The following PM20D2 variants were observed in gnomAD, a reference collection of about 807,000 sequenced individuals.
PM20D2 encodes xaa-Arg dipeptidase.
PM20D2 carries 33 observed loss-of-function variants against 42.9 expected under a neutral mutation model. That is an observed-to-expected ratio of 0.77 (90% CI 0.58 to 1.03). The LOEUF (loss-of-function observed/expected upper bound fraction) is 1.03, where lower values mean the gene tolerates loss of function less well. PM20D2 is among the 50% of genes least tolerant of loss of function. The pLI is 0.00. For missense variants in PM20D2, 548 were observed against 557.0 expected (o/e 0.98, Z 0.16); for synonymous variants, 250 against 228.2 (o/e 1.10, Z -0.86).
chr6:89,119,752 A>G, the PM20D2 span, among the ~76,000 whole-genome samples: 1 of 152,326 alleles, frequency 6.6e-6, no homozygotes, highest in South Asian at 2.1e-4. Flanking sequence ...GGCTGTGGAT[A>G]CATAGATCCA....
At chr6:89,128,268 T>C in the PM20D2 span, among the ~76,000 whole-genome samples, 1 of 152,170 alleles carries the variant, frequency 6.6e-6, no homozygotes, top group Non-Finnish European at 1.5e-5. Flanking sequence ...GGGAGGTCTA[T>C]AAACGGCTGC....
At chr6:89,109,784 G>C in the PM20D2 span, among the ~76,000 whole-genome samples, 58 of 152,166 alleles carry the variant, frequency 3.8e-4, no homozygotes, top group Admixed American at 3.8e-3. Flanking sequence ...AAACACCCAT[G>C]TATCTACCAA....
At chr6:89,120,388 T>C in the PM20D2 span, among the ~76,000 whole-genome samples, 1 of 152,092 alleles carries the variant, frequency 6.6e-6, no homozygotes, top group Non-Finnish European at 1.5e-5. Context: ...TACCTGGAGA[T>C]AGGACTTGGA....
At chr6:89,136,233 T>C in the PM20D2 span, among the ~76,000 whole-genome samples, 1 of 151,220 alleles carries the variant, frequency 6.6e-6, no homozygotes, top group Non-Finnish European at 1.5e-5. Context: ...TGTTCCCAAG[T>C]ATCTTACTGA....
chr6:89,105,305 A>C, the PM20D2 span: 13 of 1,581,666 alleles, frequency 8.2e-6, no homozygotes, highest in African/African-American at 9.5e-5. Context: ...CGTTACCTGA[A>C]CACCACAGTA....
intron 2 of PM20D2, 96 bp from the exon 3 acceptor site, chr6:89,152,947 T>G: frequency 1.0e-6 from 1 of 952,586 alleles, no homozygotes; most frequent in East Asian, 2.7e-5. Flanking sequence ...CAATGTGAAT[T>G]AATTTTGAAT....
chr6:89,135,701 A>T, the PM20D2 span, among the ~76,000 whole-genome samples: 1 of 151,314 alleles, frequency 6.6e-6, no homozygotes, highest in Admixed American at 6.5e-5. Flanking sequence ...ATTTTGTACC[A>T]TTCCCATTGA....
chr6:89,159,924 C>G (rs1370648128), intron 5 of PM20D2, among the ~76,000 whole-genome samples: 1 of 152,164 alleles, frequency 6.6e-6, no homozygotes, highest in African/African-American at 2.4e-5. Flanking sequence ...GACACATGGC[C>G]TGCTCTACCC....
At chr6:89,130,819 C>CCTTTTTTTTTGTTTTTT in the PM20D2 span, among the ~76,000 whole-genome samples, 1 of 24,038 alleles carries the variant, frequency 4.2e-5, no homozygotes, top group African/African-American at 1.4e-4. Context: ...GCTTCTTCTT[C>CCTTTTTTTTTGTTTTTT]TTTTTTTTTT....
At chr6:89,124,733 G>GTTTTTTTTT in the PM20D2 span, among the ~76,000 whole-genome samples, 192 of 79,558 alleles carry the variant, frequency 2.4e-3, 16 homozygotes, top group Non-Finnish European at 3.2e-3. Flanking sequence ...TGTTGCTGTT[G>GTTTTTTTTT]TTGTTTTTTT....
At chr6:89,153,210 A>G (rs751361779) in intron 3 of PM20D2, 25 bp downstream of exon 3, 79 of 1,531,940 alleles carry the variant, frequency 5.2e-5, no homozygotes, top group Non-Finnish European at 6.8e-5. Context: ...TACCTTCTAT[A>G]ATAGATGGTG....
chr6:89,139,115 A>G, the PM20D2 span, among the ~76,000 whole-genome samples: 213 of 152,272 alleles, frequency 1.4e-3, 2 homozygotes, highest in African/African-American at 4.9e-3. Context: ...TTAGAGACCT[A>G]GTCTCACTGT....
the PM20D2 span, among the ~76,000 whole-genome samples, chr6:89,114,600 A>T: frequency 7.0e-6 from 1 of 143,574 alleles, no homozygotes; most frequent in Non-Finnish European, 1.5e-5. Context: ...CCAGTGGCAA[A>T]GCTAAAAAAA....
At chr6:89,105,761 A>C in the PM20D2 span, 3 of 271,182 alleles carry the variant, frequency 1.1e-5, no homozygotes, top group South Asian at 9.0e-5. Flanking sequence ...CAAAACAAAC[A>C]TGTAACTGTA....
the PM20D2 span, among the ~76,000 whole-genome samples, chr6:89,132,075 C>G: frequency 6.6e-6 from 1 of 152,196 alleles, no homozygotes; most frequent in East Asian, 1.9e-4. Flanking sequence ...CTATTGGACA[C>G]CTATGGAAAG....
chr6:89,106,313 A>G, the PM20D2 span, among the ~76,000 whole-genome samples: 1 of 152,038 alleles, frequency 6.6e-6, no homozygotes, highest in African/African-American at 2.4e-5. Flanking sequence ...GGGTTTCACC[A>G]TGTTGGTCAG....
the PM20D2 span, among the ~76,000 whole-genome samples, chr6:89,135,803 A>T: frequency 6.6e-6 from 1 of 151,398 alleles, no homozygotes; most frequent in South Asian, 2.1e-4. Flanking sequence ...TTGACCAGGA[A>T]GATGAAAACA....
At chr6:89,143,321 C>T (rs1166333697), upstream of PM20D2, among the ~76,000 whole-genome samples, 1 of 152,122 alleles carries the variant, frequency 6.6e-6, no homozygotes, top group African/African-American at 2.4e-5. Context: ...AATTTTTGAT[C>T]TACTCTTTCC....
chr6:89,120,449 A>G, the PM20D2 span, among the ~76,000 whole-genome samples: 36,819 of 152,150 alleles, frequency 0.24, 4,883 homozygotes, highest in Non-Finnish European at 0.3. Context: ...CTTTGCAAAT[A>G]AAAAACTTGA....
Sources: gnomAD v4.1 joint callset for allele counts (sites outside exome capture counted in the v4.1 genomes callset) on GRCh38, gnomAD v4.1.1 for gene constraint, MANE v1.5 for transcripts, NCBI Gene and HGNC (gene_info 2026-07-23, HGNC 2026-07-21) for gene names.